The following NALF1 variants were observed in gnomAD, a reference collection of about 807,000 sequenced individuals.
NALF1 encodes NALCN channel auxiliary factor 1.
A neutral mutation model predicts 48.4 loss-of-function variants in NALF1; 3 were observed. The ratio of observed to expected loss-of-function variants is 0.06; its 90% CI spans 0.03 to 0.16. The LOEUF is 0.16. Among genes scored for constraint, NALF1 ranks in the 10% least tolerant of loss-of-function variants. The probability of loss-of-function intolerance (pLI) is 1.00; values close to 1 mark genes in which losing one functional copy is unlikely to be tolerated. For missense variants in NALF1, 526 were observed against 571.5 expected (o/e 0.92, Z 0.81); for synonymous variants, 262 against 245.7 (o/e 1.07, Z -0.62).
intron 1 of NALF1, among the ~76,000 whole-genome samples, chr13:107,829,127 C>G (rs1466110605): frequency 6.6e-6 from 1 of 152,154 alleles, no homozygotes; most frequent in Non-Finnish European, 1.5e-5. Context: ...GAAAGAAAGG[C>G]ATATGAAATA....
chr13:107,287,109 T>C (rs368239767), intron 1 of NALF1, among the ~76,000 whole-genome samples: 1 of 152,222 alleles, frequency 6.6e-6, no homozygotes, highest in South Asian at 2.1e-4. Flanking sequence ...AACAGTATTC[T>C]GAGGAAGGTG....
At chr13:107,488,605 A>G (rs1293662902) in intron 1 of NALF1, among the ~76,000 whole-genome samples, 1 of 152,118 alleles carries the variant, frequency 6.6e-6, no homozygotes, top group Non-Finnish European at 1.5e-5. Flanking sequence ...GATAAACTAC[A>G]TATTGAAGGT....
At chr13:107,368,057 T>C (rs1883182775) in intron 1 of NALF1, among the ~76,000 whole-genome samples, 1 of 152,208 alleles carries the variant, frequency 6.6e-6, no homozygotes, top group South Asian at 2.1e-4. Flanking sequence ...TGGTTCTGTG[T>C]ACTTATTTTT....
chr13:107,682,838 C>G (rs898821504), intron 1 of NALF1, among the ~76,000 whole-genome samples: 1 of 152,158 alleles, frequency 6.6e-6, no homozygotes, highest in Non-Finnish European at 1.5e-5. Context: ...CAGGTGCAGT[C>G]GACTTTCCAA....
intron 1 of NALF1, among the ~76,000 whole-genome samples, chr13:107,618,194 C>T (rs907580340): frequency 3.3e-5 from 5 of 151,690 alleles, no homozygotes; most frequent in African/African-American, 1.2e-4. Context: ...GAGATTTCAG[C>T]TGAGATAGAA....
chr13:107,221,701 G>A (rs1056401224), intron 1 of NALF1, among the ~76,000 whole-genome samples: 3 of 152,164 alleles, frequency 2.0e-5, no homozygotes, highest in South Asian at 2.1e-4. Flanking sequence ...TATGAAAACC[G>A]AGACTCAGAG....
intron 1 of NALF1, among the ~76,000 whole-genome samples, chr13:107,757,445 G>A (rs1262461321): frequency 1.5e-5 from 2 of 135,174 alleles, no homozygotes; most frequent in African/African-American, 5.6e-5. Context: ...CAGTCAACAG[G>A]TACTATCGAA....
chr13:107,513,303 C>G (rs1401840471), intron 1 of NALF1, among the ~76,000 whole-genome samples: 1 of 152,028 alleles, frequency 6.6e-6, no homozygotes, highest in Non-Finnish European at 1.5e-5. Context: ...GTTATTTTTT[C>G]AACTTTTTCA....
At chr13:107,697,994 A>G (rs1246065803) in intron 1 of NALF1, among the ~76,000 whole-genome samples, 1 of 152,128 alleles carries the variant, frequency 6.6e-6, no homozygotes, top group Non-Finnish European at 1.5e-5. Flanking sequence ...AATTATATAC[A>G]TTCCCATTTT....
At chr13:107,666,207 G>A (rs536028573) in intron 1 of NALF1, among the ~76,000 whole-genome samples, 13 of 152,094 alleles carry the variant, frequency 8.5e-5, no homozygotes, top group South Asian at 2.1e-4. Context: ...CATAATAACC[G>A]GATGTTATTG....
intron 1 of NALF1, among the ~76,000 whole-genome samples, chr13:107,402,552 C>T (rs1883826914): frequency 6.6e-6 from 1 of 151,982 alleles, no homozygotes; most frequent in African/African-American, 2.4e-5. Flanking sequence ...AATACAGTGT[C>T]TTTCATTATT....
intron 1 of NALF1, among the ~76,000 whole-genome samples, chr13:107,825,909 T>C (rs1004435386): frequency 3.3e-5 from 5 of 152,148 alleles, no homozygotes; most frequent in Admixed American, 3.3e-4. Context: ...GCCTCCCAAG[T>C]AGCTAGGATT....
At chr13:107,841,210 G>A (rs1880034678) in intron 1 of NALF1, among the ~76,000 whole-genome samples, 1 of 152,202 alleles carries the variant, frequency 6.6e-6, no homozygotes, top group Admixed American at 6.5e-5. Context: ...AATTTTAACA[G>A]CATTCTAGGT....
At chr13:107,463,180 T>C (rs1884947798) in intron 1 of NALF1, among the ~76,000 whole-genome samples, 1 of 152,246 alleles carries the variant, frequency 6.6e-6, no homozygotes. Flanking sequence ...TTATTTTATT[T>C]AATATTCCTA....
intron 1 of NALF1, among the ~76,000 whole-genome samples, chr13:107,575,343 G>A (rs1462098321): frequency 6.6e-6 from 1 of 152,158 alleles, no homozygotes; most frequent in East Asian, 1.9e-4. Context: ...AAGCTATGGA[G>A]TGAGTTGCCC....
At chr13:107,183,949 C>T (rs943814661) in intron 2 of NALF1, among the ~76,000 whole-genome samples, 1 of 151,952 alleles carries the variant, frequency 6.6e-6, no homozygotes, top group Non-Finnish European at 1.5e-5. Context: ...TTCAACACCA[C>T]TTGCATATTT....
intron 1 of NALF1, among the ~76,000 whole-genome samples, chr13:107,703,067 C>A (rs1421837761): frequency 1.3e-5 from 2 of 152,092 alleles, no homozygotes; most frequent in East Asian, 3.9e-4. Flanking sequence ...TACCCAATAA[C>A]AGGATTGCTG....
intron 1 of NALF1, among the ~76,000 whole-genome samples, chr13:107,415,382 T>C (rs1884068065): frequency 6.6e-6 from 1 of 152,044 alleles, no homozygotes; most frequent in African/African-American, 2.4e-5. Flanking sequence ...GGAGAGAGTT[T>C]TTTTTTTTTC....
rs1210511179 is a variant in NALF1 at position 107,325,851 on chromosome 13, CACACATAT to C, written c.916-115104_916-115097del. ...GAGAAACTGTGTCTCAACACACACA[CACACATAT>C]ATATATATATATATATATATATATA... is the stretch of plus-strand genomic sequence containing the variant. On this transcript the variant is annotated intron_variant, in intron 1 of 2. Transcript: ENST00000375915. 1.5e-4 allele frequency among the ~76,000 whole-genome samples: 8 copies of C among 51,986 alleles called. No individual in the cohort carries two copies. In the East Asian group the frequency reaches 4.8e-3, roughly 31 times the overall value. 34.1% of individuals were successfully genotyped at this position (51,986 alleles called of 152,430 possible). A position where few individuals can be genotyped will look rare whatever the true frequency, so the allele number is the denominator to read the frequency against.
Sources: allele counts gnomAD v4.1 joint callset (sites outside exome capture counted in the v4.1 genomes callset), GRCh38; gene constraint gnomAD v4.1.1; transcripts MANE v1.5; gene names NCBI Gene and HGNC (gene_info 2026-07-23, HGNC 2026-07-21).